The following VWA8 variants were observed in gnomAD, a reference collection of about 807,000 sequenced individuals.
VWA8 encodes the protein von Willebrand factor A domain containing 8, also known as von Willebrand factor A domain-containing protein 8.
In VWA8, 221 loss-of-function variants were observed where a neutral mutation model predicts 241.5. The observed-to-expected ratio is 0.91, with a 90% confidence interval of 0.82 to 1.02. The LOEUF (loss-of-function observed/expected upper bound fraction) is 1.02, where lower values mean the gene tolerates loss of function less well. Ranked by LOEUF, VWA8 falls within the 50% of genes least tolerant of loss-of-function variation. The probability of loss-of-function intolerance (pLI) is 0.00; values close to 1 mark genes in which losing one functional copy is unlikely to be tolerated. For synonymous variants in VWA8, 852 were observed against 827.1 expected, an observed-to-expected ratio of 1.03 and a Z score of -0.52; for missense variants, 2,322 against 2,328.7, an observed-to-expected ratio of 1.00 and a Z score of 0.06.
intron 37 of VWA8, among the ~76,000 whole-genome samples, chr13:41,656,115 C>T (rs151009924): frequency 6.6e-6 from 1 of 152,168 alleles, no homozygotes; most frequent in South Asian, 2.1e-4. Flanking sequence ...CCGAAGCAGA[C>T]TGGAACACAT....
intron 26 of VWA8, 170 bp downstream of exon 26, chr13:41,719,421 T>C (rs1205873867): frequency 1.2e-5 from 18 of 1,445,484 alleles, no homozygotes; most frequent in African/African-American, 4.3e-5. Context: ...TACAGGCCTA[T>C]AAATAATGCT....
chr13:41,654,916 G>A (rs972516966), intron 37 of VWA8, among the ~76,000 whole-genome samples: 1 of 152,156 alleles, frequency 6.6e-6, no homozygotes, highest in African/African-American at 2.4e-5. Context: ...TAAAGTAAAT[G>A]TAATACATGA....
Position 41,814,008 on chromosome 13 carries a change from A to G in VWA8, c.1948-2668T>C, listed in dbSNP as rs544761237. On this transcript the variant is annotated intron_variant, in intron 16 of 44. Transcript: ENST00000379310. The stretch of plus-strand genomic sequence containing the variant: ...ATTAGTAATACTTCAGCTTAAAAAC[A>G]TAAAGGTTCTCATCAGAAATTATTA... Among the ~76,000 whole-genome samples, 5 of 152,326 alleles carry G rather than the reference A, an allele frequency of 3.3e-5. No homozygotes were observed. The South Asian group carries it at 1.0e-3, about 32-fold the overall frequency.
At chr13:41,727,058 G>A (rs1397930469) in intron 24 of VWA8, 136 bp downstream of exon 24, 1 of 713,102 alleles carries the variant, frequency 1.4e-6, no homozygotes, top group Non-Finnish European at 2.2e-6. Context: ...ACTAAAAGGG[G>A]GATAATAAAT....
At chr13:41,742,225 G>A (rs1351040184) in intron 21 of VWA8, among the ~76,000 whole-genome samples, 1 of 152,190 alleles carries the variant, frequency 6.6e-6, no homozygotes, top group Admixed American at 6.5e-5. Context: ...GACAGGATTG[G>A]AGAAGATTCT....
chr13:41,730,876 A>G (rs1243797984), intron 22 of VWA8, among the ~76,000 whole-genome samples: 2 of 151,930 alleles, frequency 1.3e-5, no homozygotes, highest in African/African-American at 4.8e-5. Context: ...TAAAAAACTT[A>G]TAAGAAATTT....
chr13:41,683,653 A>G (rs1248064511), intron 35 of VWA8, among the ~76,000 whole-genome samples: 1 of 152,194 alleles, frequency 6.6e-6, no homozygotes, highest in African/African-American at 2.4e-5. Flanking sequence ...TGATGTGTGT[A>G]AAAGAGTAGG....
chr13:41,666,618 T>G (rs937908721), intron 37 of VWA8, among the ~76,000 whole-genome samples: 1 of 152,152 alleles, frequency 6.6e-6, no homozygotes, highest in African/African-American at 2.4e-5. Flanking sequence ...AAATGGAAAC[T>G]GGCAAACTTA....
intron 37 of VWA8, among the ~76,000 whole-genome samples, chr13:41,667,901 AT>A (rs1362445308): frequency 2.6e-5 from 4 of 152,264 alleles, no homozygotes; most frequent in African/African-American, 9.6e-5. Context: ...GGAAAAACAC[AT>A]GTTTCTATCA....
chr13:41,841,822 TA>T (rs1872055803), intron 12 of VWA8, among the ~76,000 whole-genome samples: 778 of 14,398 alleles, frequency 0.054, 31 homozygotes, highest in South Asian at 0.15. Flanking sequence ...AAAAAAAAAA[TA>T]TATATATATA....
At chr13:41,645,123 C>A (rs2044822397) in intron 37 of VWA8, among the ~76,000 whole-genome samples, 1 of 152,174 alleles carries the variant, frequency 6.6e-6, no homozygotes, top group African/African-American at 2.4e-5. Context: ...ATAGTAATGG[C>A]ACCTACCTCA....
chr13:41,568,484 A>G (rs1431710081), intron 44 of VWA8, 179 bp from the exon 45 acceptor site: 1 of 488,472 alleles, frequency 2.0e-6, no homozygotes, highest in Non-Finnish European at 3.6e-6. Context: ...GGCTTGGAAG[A>G]GCAACAAGGA....
At chr13:41,748,139 T>C (rs534267212) in intron 21 of VWA8, among the ~76,000 whole-genome samples, 2 of 152,210 alleles carry the variant, frequency 1.3e-5, no homozygotes, top group Non-Finnish European at 2.9e-5. Flanking sequence ...GATTCCCTCT[T>C]TTTCTATTGA....
At chr13:41,749,500 A>T (rs1028464885) in intron 21 of VWA8, among the ~76,000 whole-genome samples, 6 of 152,230 alleles carry the variant, frequency 3.9e-5, no homozygotes, top group Admixed American at 3.9e-4. Context: ...CCATCCCATT[A>T]CTGGGTATAT....
At chr13:41,568,516 A>G in intron 44 of VWA8, 1 of 462,832 alleles carries the variant, frequency 2.2e-6, no homozygotes, top group South Asian at 4.8e-5. Context: ...AAAGCAGGGA[A>G]CTGAAAGAAA....
intron 5 of VWA8, among the ~76,000 whole-genome samples, chr13:41,890,743 G>T (rs574866787): frequency 6.6e-6 from 1 of 152,192 alleles, no homozygotes; most frequent in Non-Finnish European, 1.5e-5. Flanking sequence ...GTATTGCATT[G>T]TAAAAACTTT....
intron 12 of VWA8, among the ~76,000 whole-genome samples, chr13:41,855,605 T>C (rs1260358336): frequency 1.3e-5 from 2 of 151,822 alleles, no homozygotes; most frequent in Non-Finnish European, 2.9e-5. Flanking sequence ...ATCCCATTAA[T>C]ATGACATTCT....
At chr13:41,942,695 T>C (rs1259754891) in intron 2 of VWA8, among the ~76,000 whole-genome samples, 3 of 152,150 alleles carry the variant, frequency 2.0e-5, no homozygotes. Flanking sequence ...ATATTCCTCC[T>C]GAAGCATGCT....
chr13:41,761,318 A>C (rs1167523819), intron 20 of VWA8, 114 bp from the exon 21 acceptor site: 3 of 1,012,226 alleles, frequency 3.0e-6, no homozygotes, highest in Non-Finnish European at 4.4e-6. Context: ...TTACTGTTTT[A>C]GTTTATTGTT....
Sources: allele counts gnomAD v4.1 joint callset (sites outside exome capture counted in the v4.1 genomes callset), GRCh38; gene constraint gnomAD v4.1.1; transcripts MANE v1.5; gene names NCBI Gene and HGNC (gene_info 2026-07-23, HGNC 2026-07-21).